The following GNG4 variants were observed in gnomAD, a reference collection of about 807,000 sequenced individuals.
GNG4 encodes G protein subunit gamma 4.
A neutral mutation model predicts 5.8 loss-of-function variants in GNG4; 4 were observed. The ratio of observed to expected loss-of-function variants is 0.69; its 90% CI spans 0.34 to 1.57. The LOEUF (loss-of-function observed/expected upper bound fraction) is 1.57, where lower values mean the gene tolerates loss of function less well. Among genes scored for constraint, GNG4 ranks in the 40% most tolerant of loss-of-function variants. The pLI is 0.06. For synonymous variants in GNG4, 29 were observed against 32.9 expected, an observed-to-expected ratio of 0.88 and a Z score of 0.41; for missense variants, 96 against 95.1, an observed-to-expected ratio of 1.01 and a Z score of -0.04.
intron 1 of GNG4, chr1:235,615,186 C>T (rs1688563287): frequency 6.6e-6 from 1 of 152,130 alleles, no homozygotes; most frequent in African/African-American, 2.4e-5. Flanking sequence ...GAACCAATTA[C>T]CATGGATTAT....
At position 235,561,532 on chromosome 1, in the gene GNG4, T is replaced by C. The variant is rs1019504420; in HGVS notation, c.100-9295A>G. Among the ~76,000 whole-genome samples, 3 of 152,160 alleles carry C rather than the reference T, an allele frequency of 2.0e-5. No homozygotes were observed. The East Asian group carries it at 5.8e-4, about 29-fold the overall frequency. On this transcript the variant is annotated intron_variant, in intron 3 of 3. Transcript: ENST00000391854. ...ACCTCAGCTTCCTGAGTGGCTGGGATTGCAGGCACCTGCCACCATGCCTAG... is the reference window on the plus strand; with the variant it reads ...ACCTCAGCTTCCTGAGTGGCTGGGACTGCAGGCACCTGCCACCATGCCTAG...
chr1:235,608,716 C>G (rs1688415529), intron 1 of GNG4, among the ~76,000 whole-genome samples: 1 of 150,754 alleles, frequency 6.6e-6, no homozygotes, highest in Non-Finnish European at 1.5e-5. Context: ...CGGAGTCTCA[C>G]TCTGTCACCC....
chr1:235,588,818 T>A (rs1287865503), intron 2 of GNG4: 1 of 152,566 alleles, frequency 6.6e-6, no homozygotes, highest in African/African-American at 2.4e-5. Context: ...AGAACCCTCC[T>A]TAATGTTCCC....
At chr1:235,625,204 T>A (rs1688785175) in intron 1 of GNG4, among the ~76,000 whole-genome samples, 1 of 152,208 alleles carries the variant, frequency 6.6e-6, no homozygotes, top group Non-Finnish European at 1.5e-5. Flanking sequence ...CCTCTTGCCC[T>A]GGGACAGTAC....
chr1:235,553,531 C>A (rs1274846066), intron 3 of GNG4, among the ~76,000 whole-genome samples: 1 of 152,106 alleles, frequency 6.6e-6, no homozygotes, highest in Non-Finnish European at 1.5e-5. Context: ...ATACACATTC[C>A]CTTCTGGGTT....
At chr1:235,605,949 A>C in intron 1 of GNG4, among the ~76,000 whole-genome samples, 1 of 96,248 alleles carries the variant, frequency 1.0e-5, no homozygotes, top group Admixed American at 8.9e-5. Context: ...TTTTTGATTG[A>C]GAGTGTGGGG....
chr1:235,592,353 A>G (rs1444661707), intron 2 of GNG4, among the ~76,000 whole-genome samples: 1 of 152,098 alleles, frequency 6.6e-6, no homozygotes, highest in Non-Finnish European at 1.5e-5. Flanking sequence ...TAAAAATACA[A>G]AAAAGATTAG....
intron 3 of GNG4, among the ~76,000 whole-genome samples, chr1:235,571,476 A>G (rs1687342555): frequency 6.6e-6 from 1 of 152,234 alleles, no homozygotes; most frequent in Non-Finnish European, 1.5e-5. Context: ...TTAAGCACTC[A>G]GTAAATGTTG....
At chr1:235,561,374 C>T (rs983651590) in intron 3 of GNG4, among the ~76,000 whole-genome samples, 4 of 151,910 alleles carry the variant, frequency 2.6e-5, no homozygotes, top group African/African-American at 9.7e-5. Flanking sequence ...TTCTCTCTCT[C>T]TTGCTCTCTT....
rs890674045 is a variant in GNG4 at position 235,554,979 on chromosome 1, G to A, written c.100-2742C>T. On this transcript the variant is annotated intron_variant, in intron 3 of 3. Transcript: ENST00000391854. ...TTCATCTGAATTCTCTATAATCCTC[G>A]TTATGTCATTCAGAAAGGAAGTATT... Among the ~76,000 whole-genome samples the A allele has an allele frequency of 2.6e-5, 4 of 151,528 alleles. No individual in the cohort carries two copies. The South Asian group carries it at 6.2e-4, about 24-fold the overall frequency.
At chr1:235,574,618 C>A (rs565327932) in intron 3 of GNG4, among the ~76,000 whole-genome samples, 2 of 152,130 alleles carry the variant, frequency 1.3e-5, no homozygotes, top group African/African-American at 2.4e-5. Flanking sequence ...AGAGTATATA[C>A]GAGAAATATC....
chr1:235,647,297 G>T (rs1217109104), intron 1 of GNG4, among the ~76,000 whole-genome samples: 1 of 151,970 alleles, frequency 6.6e-6, no homozygotes, highest in African/African-American at 2.4e-5. Flanking sequence ...ATCCTTAAAA[G>T]GTGTTTCAAG....
At chr1:235,616,078 C>T (rs1283250518) in intron 1 of GNG4, 6 of 402,326 alleles carry the variant, frequency 1.5e-5, no homozygotes, top group Admixed American at 2.9e-5. Context: ...TCCCACATGA[C>T]TTTGTCATCC....
intron 1 of GNG4, among the ~76,000 whole-genome samples, chr1:235,612,801 G>A (rs1387630528): frequency 6.6e-6 from 1 of 152,178 alleles, no homozygotes; most frequent in Admixed American, 6.5e-5. Context: ...GGGATCACAG[G>A]CATGAGCCAT....
In GNG4 at chr1:235,583,796, G is replaced by A. The variant is rs748535525; in HGVS notation, c.43C>T (p.Gln15Ter). 1.2e-6 allele frequency: 2 copies of A among 1,613,870 alleles called. No individual in the cohort carries two copies. Among genetic ancestry groups the A allele is most frequent in the Non-Finnish European group, 1.7e-6 (2 of 1,179,790 alleles). The part of the protein sequence containing the change: ...MSNNSTTSIS[Q>*]ARKAVEQLKM... ...AGCTGCTCCACAGCTTTCCTGGCTT[G>A]GGAGATGCTAGTGGTGCTGTTATTA... Residue 15 changes from glutamine (Q) to a stop codon, truncating the protein, a stop_gained, in exon 3 of 4, where the codon CAA becomes TAA. Coordinates refer to ENST00000391854, the MANE Select transcript of GNG4 (RefSeq NM_001098722.2). LOFTEE classifies it high-confidence loss of function.
At chr1:235,622,804 GGTGGAGGTTGCA>G (rs1231980055) in intron 1 of GNG4, among the ~76,000 whole-genome samples, 1 of 145,412 alleles carries the variant, frequency 6.9e-6, no homozygotes, top group African/African-American at 2.6e-5. Flanking sequence ...CCTGCTGGGA[GGTGGAGGTTGCA>G]GTGAGCCGAG....
intron 3 of GNG4, among the ~76,000 whole-genome samples, chr1:235,583,187 T>C (rs1687681619): frequency 6.6e-6 from 1 of 152,212 alleles, no homozygotes; most frequent in Admixed American, 6.5e-5. Context: ...TCTGCTCACC[T>C]CTGAGTGGCA....
chr1:235,585,168 G>A (rs75502755), intron 2 of GNG4, among the ~76,000 whole-genome samples: 4 of 148,652 alleles, frequency 2.7e-5, no homozygotes, highest in Non-Finnish European at 4.5e-5. Context: ...TTCCCATCAC[G>A]TTGGACTCCA....
rs1482599740 is a variant in GNG4 at position 235,642,838 on chromosome 1, C to T, written c.-123+6824G>A. On this transcript the variant is annotated intron_variant, in intron 1 of 3. Coordinates refer to ENST00000391854, the MANE Select transcript of GNG4 (RefSeq NM_001098722.2). This position sits in a 1 kb window ranked among gnomAD's most constrained non-coding sequence, Gnocchi z 4.3. ...CCAGCCAGACCTCTGCTCAGCTCTG[C>T]ACGTACATGCCCCCTCGATGTCACC... 6.6e-6 allele frequency among the ~76,000 whole-genome samples: 1 copy of T among 152,140 alleles called. No homozygotes were observed. The highest frequency in any genetic ancestry group is 2.4e-5 in the African/African-American group (1 of 41,426).
Sources: gnomAD v4.1 joint callset for allele counts (sites outside exome capture counted in the v4.1 genomes callset) on GRCh38, gnomAD v4.1.1 for gene constraint, Gnocchi (gnomAD v3.1) non-coding constraint, MANE v1.5 for transcripts, NCBI Gene and HGNC (gene_info 2026-07-23, HGNC 2026-07-21) for gene names.